The following MTUS1 variants were observed in gnomAD, a reference collection of about 807,000 sequenced individuals.
The protein encoded by MTUS1 is microtubule-associated tumor suppressor 1.
In MTUS1, 109 loss-of-function variants were observed where a neutral mutation model predicts 120.8. That is an observed-to-expected ratio of 0.90 (90% CI 0.77 to 1.06). The LOEUF (loss-of-function observed/expected upper bound fraction) is 1.06. Ranked by LOEUF, MTUS1 falls within the 50% of genes least tolerant of loss-of-function variation. The pLI is 0.00. For missense variants in MTUS1, 2,210 were observed against 1,486.3 expected, an observed-to-expected ratio of 1.49 and a Z score of -8.01; for synonymous variants, 737 against 550.5, an observed-to-expected ratio of 1.34 and a Z score of -4.74.
rs764236399 is a variant in MTUS1 at position 17,726,233 on chromosome 8, G to A, written c.2288-2400C>T. 4.7e-4 allele frequency among the ~76,000 whole-genome samples: 72 copies of A among 152,162 alleles called. 1 individual carries two copies. The highest frequency in any genetic ancestry group is 8.8e-4 in the Non-Finnish European group (60 of 68,028). ...ACCTGCAGTTTCACAAGATCCCCAG[G>A]TGATTAAAATGCACCTGGAGTTTCT... On this transcript the variant is annotated intron_variant, in intron 3 of 14. Coordinates refer to ENST00000693296, the MANE Select transcript of MTUS1 (RefSeq NM_001363059.2).
chr8:17,746,718 CTACTT>C, intron 2 of MTUS1, among the ~76,000 whole-genome samples: 1 of 152,142 alleles, frequency 6.6e-6, no homozygotes, highest in East Asian at 1.9e-4. Flanking sequence ...CCATATGACT[CTACTT>C]AACTTACTAA....
intron 3 of MTUS1, among the ~76,000 whole-genome samples, chr8:17,742,179 C>T (rs2047363929): frequency 6.6e-6 from 1 of 151,686 alleles, no homozygotes; most frequent in African/African-American, 2.4e-5. Context: ...CAGCTTTGAA[C>T]TTCTGGGCTC....
chr8:17,710,724 C>T (rs970914401), intron 6 of MTUS1, among the ~76,000 whole-genome samples: 33 of 152,154 alleles, frequency 2.2e-4, no homozygotes, highest in Admixed American at 8.5e-4. Context: ...GACTTTGCCC[C>T]GTTCCATCAG....
chr8:17,722,502 C>T, intron 4 of MTUS1: 2 of 985,308 alleles, frequency 2.0e-6, no homozygotes, highest in Non-Finnish European at 2.4e-6. Context: ...AAGCTGGTAA[C>T]AATCCTGTTT....
chr8:17,746,741 C>G (rs1439116521), intron 2 of MTUS1, among the ~76,000 whole-genome samples: 2 of 152,120 alleles, frequency 1.3e-5, no homozygotes, highest in African/African-American at 2.4e-5. Flanking sequence ...TAACATATAG[C>G]CCGTATAGAA....
intron 2 of MTUS1, among the ~76,000 whole-genome samples, chr8:17,750,474 G>C (rs1051086890): frequency 6.6e-6 from 1 of 152,150 alleles, no homozygotes; most frequent in Admixed American, 6.5e-5. Context: ...CACTTGTTTT[G>C]CCTTTCAGAG....
chr8:17,646,067 A>T lies in MTUS1; in HGVS notation c.3672T>A (p.Ser1224=). 6.2e-7 allele frequency: 1 copy of T among 1,613,624 alleles called. No individual in the cohort carries two copies. ...EKESKVNKRL[S]MENEELLWKL... ...TCCACAGAAGCTCCTCGTTTTCCAT[A>T]GAGAGTCGCTTGTTGACTTTCGACT... The change falls in exon 15 of 15, where the codon TCT becomes TCA. Residue 1224 remains serine, a synonymous_variant. Transcript: ENST00000693296.
chr8:17,719,047 G>A (rs1436964162), intron 4 of MTUS1, among the ~76,000 whole-genome samples: 1 of 152,068 alleles, frequency 6.6e-6, no homozygotes, highest in Non-Finnish European at 1.5e-5. Context: ...GTAGGCACCT[G>A]TAATCCCAGC....
intron 1 of MTUS1, among the ~76,000 whole-genome samples, chr8:17,785,974 C>T (rs1394577634): frequency 2.0e-5 from 3 of 152,026 alleles, no homozygotes; most frequent in Non-Finnish European, 4.4e-5. Flanking sequence ...AGACTCTGTC[C>T]CTAAAAAATT....
chr8:17,782,803 C>T (rs981005242), intron 1 of MTUS1, among the ~76,000 whole-genome samples: 1 of 152,144 alleles, frequency 6.6e-6, no homozygotes, highest in African/African-American at 2.4e-5. Flanking sequence ...CCTGGCCGGG[C>T]ATGGTAGCTC....
At chr8:17,785,609 T>C (rs984615426) in intron 1 of MTUS1, among the ~76,000 whole-genome samples, 1 of 152,248 alleles carries the variant, frequency 6.6e-6, no homozygotes, top group Non-Finnish European at 1.5e-5. Context: ...TCCTTTAGTT[T>C]ACGTAATATA....
chr8:17,686,787 G>A (rs919508694), intron 6 of MTUS1, among the ~76,000 whole-genome samples: 3 of 152,100 alleles, frequency 2.0e-5, no homozygotes, highest in Admixed American at 6.6e-5. Flanking sequence ...ACATGTAATT[G>A]TACTAACAAT....
chr8:17,771,839 A>G (rs552596918), intron 1 of MTUS1, among the ~76,000 whole-genome samples: 5 of 152,216 alleles, frequency 3.3e-5, no homozygotes, highest in Admixed American at 6.5e-5. Flanking sequence ...AACCCAATCT[A>G]CTAGTTCTGT....
At chr8:17,709,019 C>T (rs1449105399) in intron 6 of MTUS1, 1 of 152,232 alleles carries the variant, frequency 6.6e-6, no homozygotes, top group Non-Finnish European at 1.5e-5. Flanking sequence ...CGTCTGTAGT[C>T]CCAGCTACGC....
At chr8:17,790,177 C>T (rs2051653631) in intron 1 of MTUS1, among the ~76,000 whole-genome samples, 1 of 151,868 alleles carries the variant, frequency 6.6e-6, no homozygotes, top group South Asian at 2.1e-4. Context: ...TGAAGCCCCA[C>T]CTCTAATAAA....
chr8:17,775,355 A>G (rs1013539812), intron 1 of MTUS1, among the ~76,000 whole-genome samples: 3 of 152,164 alleles, frequency 2.0e-5, no homozygotes, highest in African/African-American at 7.2e-5. Context: ...CCCAATCTAC[A>G]GAATAGGAGA....
intron 8 of MTUS1, among the ~76,000 whole-genome samples, chr8:17,664,294 TA>T (rs1209745184): frequency 2.0e-5 from 3 of 152,042 alleles, no homozygotes. Flanking sequence ...AACTAAAATA[TA>T]AAAAAGAAAA....
At chr8:17,648,080 T>C (rs1315790709) in intron 13 of MTUS1, among the ~76,000 whole-genome samples, 1 of 152,214 alleles carries the variant, frequency 6.6e-6, no homozygotes, top group Non-Finnish European at 1.5e-5. Flanking sequence ...AATTTGAGAT[T>C]GGGAGGTATT....
chr8:17,721,603 C>G, intron 4 of MTUS1: 1 of 1,318,730 alleles, frequency 7.6e-7, no homozygotes. Flanking sequence ...ACTACCATTA[C>G]CATAAATTAC....
Sources: allele counts gnomAD v4.1 joint callset (sites outside exome capture counted in the v4.1 genomes callset), GRCh38; gene constraint gnomAD v4.1.1; transcripts MANE v1.5; gene names NCBI Gene and HGNC (gene_info 2026-07-23, HGNC 2026-07-21).